EIF4G3: variants seen among roughly 807,000 people sequenced by gnomAD.
EIF4G3 encodes the protein eukaryotic translation initiation factor 4 gamma 3.
A neutral mutation model predicts 186.4 loss-of-function variants in EIF4G3; 34 were observed. The ratio of observed to expected loss-of-function variants is 0.18; its 90% CI spans 0.14 to 0.24. The LOEUF (loss-of-function observed/expected upper bound fraction) is 0.24. Among genes scored for constraint, EIF4G3 ranks in the 10% least tolerant of loss-of-function variants. EIF4G3 has a pLI of 1.00. For missense variants in EIF4G3, 1,536 were observed against 1,948.5 expected, an observed-to-expected ratio of 0.79 and a Z score of 3.99; for synonymous variants, 673 against 679.5, an observed-to-expected ratio of 0.99 and a Z score of 0.15.
intron 4 of EIF4G3, among the ~76,000 whole-genome samples, chr1:21,008,122 C>CA (rs2085817901): frequency 6.6e-6 from 1 of 152,180 alleles, no homozygotes; most frequent in African/African-American, 2.4e-5. Context: ...GCCTGGGCGA[C>CA]AGAGTGAGAA....
intron 34 of EIF4G3, among the ~76,000 whole-genome samples, chr1:20,816,782 C>T (rs1294791346): frequency 1.1e-5 from 1 of 93,838 alleles, no homozygotes; most frequent in Non-Finnish European, 2.3e-5. Flanking sequence ...ATGACAATGG[C>T]GGTTTTGTGG....
intron 4 of EIF4G3, among the ~76,000 whole-genome samples, chr1:21,028,600 T>G (rs901551107): frequency 6.6e-6 from 1 of 152,224 alleles, no homozygotes; most frequent in Non-Finnish European, 1.5e-5. Flanking sequence ...CGTTACAATA[T>G]ACTTTTATAA....
chr1:20,896,751 C>G (rs2088302815), intron 16 of EIF4G3, among the ~76,000 whole-genome samples: 1 of 152,058 alleles, frequency 6.6e-6, no homozygotes, highest in Non-Finnish European at 1.5e-5. Flanking sequence ...ATGGTAAGTG[C>G]CCTATACAGT....
chr1:21,029,269 C>T (rs1436272995), intron 4 of EIF4G3, among the ~76,000 whole-genome samples: 1 of 152,050 alleles, frequency 6.6e-6, no homozygotes, highest in East Asian at 1.9e-4. Flanking sequence ...ATCCGCCTGC[C>T]TCAGCCTCCC....
intron 19 of EIF4G3, among the ~76,000 whole-genome samples, chr1:20,883,081 CAA>C (rs397862225): frequency 8.9e-5 from 9 of 101,168 alleles, no homozygotes; most frequent in Admixed American, 1.1e-4. Context: ...AACCCTGTCT[CAA>C]AAAAAAAAAA....
At chr1:21,079,255 G>A (rs920075118) in intron 3 of EIF4G3, among the ~76,000 whole-genome samples, 10 of 152,134 alleles carry the variant, frequency 6.6e-5, no homozygotes, top group Non-Finnish European at 8.8e-5. Context: ...CTACTCAATA[G>A]TGACCTGGCA....
chr1:20,846,596 G>A (rs907672368), intron 29 of EIF4G3, among the ~76,000 whole-genome samples: 10 of 152,112 alleles, frequency 6.6e-5, no homozygotes, highest in African/African-American at 2.4e-4. Context: ...TATCTTTAGG[G>A]CCAGACTTGT....
At chr1:21,011,615 T>C (rs1327134642) in intron 4 of EIF4G3, among the ~76,000 whole-genome samples, 1 of 152,190 alleles carries the variant, frequency 6.6e-6, no homozygotes, top group Non-Finnish European at 1.5e-5. Flanking sequence ...AAAATATTCC[T>C]TGACAAGGAT....
intron 12 of EIF4G3, among the ~76,000 whole-genome samples, chr1:20,962,352 G>A (rs992297462): frequency 6.6e-6 from 1 of 152,110 alleles, no homozygotes; most frequent in Non-Finnish European, 1.5e-5. Context: ...TAAGCTAGAA[G>A]AAAATGTGTT....
intron 4 of EIF4G3, among the ~76,000 whole-genome samples, chr1:21,009,813 C>T (rs2086452931): frequency 6.6e-6 from 1 of 152,016 alleles, no homozygotes; most frequent in Non-Finnish European, 1.5e-5. Context: ...TGCCACCACA[C>T]CCTGCTAATT....
intron 24 of EIF4G3, 150 bp from the exon 25 acceptor site, chr1:20,857,647 ATATAAGCAGAAGCACCCTG>A (rs1296836804): frequency 1.4e-6 from 1 of 716,450 alleles, no homozygotes; most frequent in African/African-American, 1.8e-5. Context: ...TGGCAGGAAA[ATATAAGCAGAAGCACCCTG>A]TATCAGCAGA....
intron 2 of EIF4G3, among the ~76,000 whole-genome samples, chr1:21,149,799 T>G (rs767531918): frequency 2.0e-5 from 3 of 152,250 alleles, no homozygotes; most frequent in Non-Finnish European, 4.4e-5. Flanking sequence ...CTCTGAGAGA[T>G]AATTCGCATT....
chr1:21,056,468 G>T (rs2094566584), intron 3 of EIF4G3, among the ~76,000 whole-genome samples: 1 of 151,958 alleles, frequency 6.6e-6, no homozygotes, highest in African/African-American at 2.4e-5. Flanking sequence ...CAGGGAAAAA[G>T]GTATACCATC....
chr1:21,014,836 T>C (rs994757119), intron 4 of EIF4G3, among the ~76,000 whole-genome samples: 3 of 152,066 alleles, frequency 2.0e-5, no homozygotes, highest in African/African-American at 7.2e-5. Context: ...GTTTTTGCCA[T>C]GTTGGCCAGG....
At chr1:20,841,680 T>TA (rs1460927360) in intron 29 of EIF4G3, among the ~76,000 whole-genome samples, 3 of 152,234 alleles carry the variant, frequency 2.0e-5, no homozygotes, top group East Asian at 1.9e-4. Flanking sequence ...AACTGGTGTT[T>TA]ACTATAGAGT....
intron 2 of EIF4G3, among the ~76,000 whole-genome samples, chr1:21,166,325 G>A (rs972529352): frequency 4.0e-5 from 6 of 151,538 alleles, no homozygotes; most frequent in Admixed American, 2.6e-4. Flanking sequence ...AGTTACACAA[G>A]AGGCTGAGGC....
chr1:21,098,564 G>A (rs199542442), intron 2 of EIF4G3, among the ~76,000 whole-genome samples: 4 of 53,576 alleles, frequency 7.5e-5, no homozygotes, highest in African/African-American at 1.0e-4. Context: ...AAAAAAAAAA[G>A]AAGAAGAAGA....
At chr1:20,975,349 A>C (rs1306049138) in intron 10 of EIF4G3, among the ~76,000 whole-genome samples, 1 of 151,960 alleles carries the variant, frequency 6.6e-6, no homozygotes, top group Non-Finnish European at 1.5e-5. Context: ...TAAGTGAAAT[A>C]AGATCCAAAA....
At chr1:20,868,759 AG>A (rs1332237194) in intron 20 of EIF4G3, among the ~76,000 whole-genome samples, 2 of 152,182 alleles carry the variant, frequency 1.3e-5, no homozygotes, top group Non-Finnish European at 2.9e-5. Context: ...TCAGGGAGCA[AG>A]GGAGTCGGTG....
Sources: gnomAD v4.1 joint callset for allele counts (sites outside exome capture counted in the v4.1 genomes callset) on GRCh38, gnomAD v4.1.1 for gene constraint, MANE v1.5 for transcripts, NCBI Gene and HGNC (gene_info 2026-07-23, HGNC 2026-07-21) for gene names.